Variants in KCTD10 observed in about 807,000 individuals in gnomAD.
The protein encoded by KCTD10 is BTB/POZ domain-containing adapter for CUL3-mediated RhoA degradation protein 3.
In KCTD10, 13 loss-of-function variants were observed where a neutral mutation model predicts 34.6. That is an observed-to-expected ratio of 0.38 (90% CI 0.24 to 0.60). KCTD10 has a LOEUF of 0.60. KCTD10 is among the 20% of genes least tolerant of loss of function. The pLI is 0.66. For synonymous variants in KCTD10, 156 were observed against 168.8 expected (o/e 0.92, Z 0.59); for missense variants, 256 against 420.3 (o/e 0.61, Z 3.42).
Position 109,456,160 on chromosome 12 carries a change from A to G in KCTD10, c.681T>C (p.Cys227=), listed in dbSNP as rs765345460. Reference sequence around the variant, plus strand: ...CAGTGGCATAGACGATGGAGGTACAACAGACTTCAGCAATCTTCCGGCCCT... The same window carrying G: ...CAGTGGCATAGACGATGGAGGTACAGCAGACTTCAGCAATCTTCCGGCCCT... ...YGQGRKIAEV[C]CTSIVYATEK... The change falls in exon 6 of 7, where the codon TGT becomes TGC. Residue 227 remains cysteine, a synonymous_variant. Coordinates refer to ENST00000228495, the MANE Select transcript of KCTD10 (RefSeq NM_031954.5). 96 of 1,614,076 alleles carry G rather than the reference A, an allele frequency of 5.9e-5. No individual in the cohort carries two copies. Among genetic ancestry groups the G allele is most frequent in the Non-Finnish European group, 8.1e-5 (95 of 1,180,052 alleles).
chr12:109,462,393 G>A (rs1272466443), intron 2 of KCTD10, among the ~76,000 whole-genome samples: 1 of 152,204 alleles, frequency 6.6e-6, no homozygotes, highest in Non-Finnish European at 1.5e-5. Context: ...CCCAAGTGGG[G>A]GGAAATGCAA....
At chr12:109,454,598 A>G (rs1409052505) in intron 6 of KCTD10, among the ~76,000 whole-genome samples, 2 of 152,000 alleles carry the variant, frequency 1.3e-5, no homozygotes, top group Non-Finnish European at 2.9e-5. Context: ...GTGTAGTAGC[A>G]TGCACCTGTG....
intron 5 of KCTD10, 94 bp downstream of exon 5, chr12:109,457,536 C>A (rs1592837261): frequency 9.6e-7 from 1 of 1,043,294 alleles, no homozygotes. Flanking sequence ...GAGGGGTCAT[C>A]CTCATCTGAA....
In KCTD10 at chr12:109,448,850, T is replaced by A. The variant is rs1872613110; in HGVS notation, c.*2745A>T. On this transcript the variant is annotated 3_prime_UTR_variant, in exon 7 of 7. Transcript: ENST00000228495. ...GGGCGGGCTGAGTGTTGTTCACACTTGGGTCCTGAATCGCTGTTGTAAGGT... is the reference window on the plus strand; with the variant it reads ...GGGCGGGCTGAGTGTTGTTCACACTAGGGTCCTGAATCGCTGTTGTAAGGT... The A allele has an allele frequency of 6.6e-6, 1 of 152,172 alleles. No homozygotes were observed. The highest frequency in any genetic ancestry group is 2.4e-5 in the African/African-American group (1 of 41,422). 9.4% of individuals were successfully genotyped at this position (152,172 alleles called of 1,614,324 possible).
chr12:109,465,932 G>T (rs1183439685), intron 2 of KCTD10, among the ~76,000 whole-genome samples: 1 of 152,152 alleles, frequency 6.6e-6, no homozygotes, highest in Non-Finnish European at 1.5e-5. Flanking sequence ...TACAATAGGG[G>T]GAAGTATTGT....
At chr12:109,456,343 C>T (rs1247208388) in intron 5 of KCTD10, 30 bp from the exon 6 acceptor site, 2 of 1,605,974 alleles carry the variant, frequency 1.2e-6, no homozygotes, top group Admixed American at 1.7e-5. Context: ...ACGGTGACCA[C>T]AAGCTGGTAA....
intron 1 of KCTD10, chr12:109,471,523 C>A: frequency 3.5e-6 from 2 of 578,876 alleles, no homozygotes; most frequent in Non-Finnish European, 4.4e-6. Context: ...TGCCCGATGC[C>A]AAACACAAAA....
Position 109,464,850 on chromosome 12 carries a change from T to G in KCTD10, c.218-4045A>C, listed in dbSNP as rs755004297. 1.1e-5 allele frequency: 5 copies of G among 455,690 alleles called. No individual in the cohort carries two copies. The Admixed American group carries it at 1.2e-4, about 11-fold the overall frequency. The allele number at this position is 455,690 out of a possible 1,614,324, so 28.2% of individuals were successfully genotyped here. A position where few individuals can be genotyped will look rare whatever the true frequency, so the allele number is the denominator to read the frequency against. On this transcript the variant is annotated intron_variant, in intron 2 of 6. Transcript: ENST00000228495. ...CAAAAATCCAGACTTCTGCAGGGAG[T>G]AGAAGTTGCCATAACCACTCCAGAA...
chr12:109,450,095 C>T lies in KCTD10; in HGVS notation c.*1500G>A, dbSNP rs1254430588. The T allele has an allele frequency of 2.5e-6, 1 of 396,044 alleles. No homozygotes were observed. The highest frequency in any genetic ancestry group is 4.4e-6 in the Non-Finnish European group (1 of 224,972). The allele number at this position is 396,044 out of a possible 1,614,324, so 24.5% of individuals were successfully genotyped here. A position where few individuals can be genotyped will look rare whatever the true frequency, so the allele number is the denominator to read the frequency against. Reference sequence around the variant, plus strand: ...TAAAAACCGTTTGAAAATATAAACTCGTTTTTGGAATACATGTGTCAAAGG... The same window carrying T: ...TAAAAACCGTTTGAAAATATAAACTTGTTTTTGGAATACATGTGTCAAAGG... On this transcript the variant is annotated 3_prime_UTR_variant, in exon 7 of 7. Coordinates refer to ENST00000228495, the MANE Select transcript of KCTD10 (RefSeq NM_031954.5).
intron 2 of KCTD10, among the ~76,000 whole-genome samples, chr12:109,468,268 C>T (rs1270205642): frequency 6.6e-6 from 1 of 152,186 alleles, no homozygotes; most frequent in Non-Finnish European, 1.5e-5. Flanking sequence ...AGAGGAATGT[C>T]CTCACCAGTG....
rs113579224 is a variant in KCTD10, at chr12:109,462,438, C to T, written c.218-1633G>A. On this transcript the variant is annotated intron_variant, in intron 2 of 6. Coordinates refer to ENST00000228495, the MANE Select transcript of KCTD10 (RefSeq NM_031954.5). ...ATAGCCCTGAGTCAACTCCTGGTTTCAGGGAAGAAAGAGGCCTTCCCAGGC... is the reference window on the plus strand; with the variant it reads ...ATAGCCCTGAGTCAACTCCTGGTTTTAGGGAAGAAAGAGGCCTTCCCAGGC... 9.1e-3 allele frequency among the ~76,000 whole-genome samples: 1,381 copies of T among 152,364 alleles called. 24 individuals carry two copies. The highest frequency in any genetic ancestry group is 0.031 in the African/African-American group (1,309 of 41,586).
Position 109,469,525 on chromosome 12 carries a change from G to A in KCTD10, c.207C>T (p.Thr69=), listed in dbSNP as rs376523703. The A allele has an allele frequency of 6.2e-6, 10 of 1,614,022 alleles. No individual in the cohort carries two copies. Among genetic ancestry groups the A allele is most frequent in the Middle Eastern group, 1.7e-4 (1 of 6,000 alleles). ...AMFSGRMEVL[T]DSEGWILIDR... ...GGTGGGTGAGCTTACCTTCACTGTC[G>A]GTGAGCACTTCCATGCGCCCGCTGA... Residue 69 remains threonine (T), a synonymous_variant, in exon 2 of 7, where the codon ACC becomes ACT. Transcript: ENST00000228495.
rs899163116 is a variant in KCTD10 at position 109,460,382 on chromosome 12, T to G, written c.387+254A>C. ...CACCGCGGGGTTCTCTGCTGAAGGG[T>G]TGAGATGTACACATGAGAAGATCCA... is the stretch of plus-strand genomic sequence containing the variant. On this transcript the variant is annotated intron_variant, in intron 3 of 6. Transcript: ENST00000228495. The surrounding 1 kb of genome is among the most constrained non-coding windows in gnomAD (Gnocchi z 4.5). The G allele has an allele frequency of 9.4e-5, 45 of 478,852 alleles. No homozygotes were observed. Among genetic ancestry groups the G allele is most frequent in the African/African-American group, 7.4e-4 (38 of 51,158 alleles). The allele number at this position is 478,852 out of a possible 1,614,324, so 29.7% of individuals were successfully genotyped here.
intron 1 of KCTD10, among the ~76,000 whole-genome samples, chr12:109,473,625 ATAG>A (rs1442008290): frequency 6.6e-6 from 1 of 152,110 alleles, no homozygotes; most frequent in African/African-American, 2.4e-5. Context: ...AGTCAACCTA[ATAG>A]TAGGCAAGGC....
At position 109,459,902 on chromosome 12, in the gene KCTD10, T is replaced by C. The variant is rs193138071; in HGVS notation, c.387+734A>G. Among the ~76,000 whole-genome samples the C allele has an allele frequency of 1.4e-4, 22 of 152,366 alleles. No homozygotes were observed. The East Asian group carries it at 4.0e-3, about 28-fold the overall frequency. On this transcript the variant is annotated intron_variant, in intron 3 of 6. Transcript: ENST00000228495. ...CAGCACTATTTGACTTCTTGAAGGA[T>C]GCATGTGCATCACTTTCAACAGTGT... is the stretch of plus-strand genomic sequence containing the variant.
At chr12:109,462,438 CA>C (rs1477220783) in intron 2 of KCTD10, among the ~76,000 whole-genome samples, 4 of 152,364 alleles carry the variant, frequency 2.6e-5, no homozygotes, top group African/African-American at 9.6e-5. Flanking sequence ...CTCCTGGTTT[CA>C]GGGAAGAAAG....
In KCTD10 at chr12:109,474,495, G is replaced by A. The variant is rs548103180; in HGVS notation, c.3+2765C>T. Among the ~76,000 whole-genome samples, 3 of 152,098 alleles carry A rather than the reference G, an allele frequency of 2.0e-5. No individual in the cohort carries two copies. The South Asian group carries it at 6.3e-4, about 32-fold the overall frequency. Reference sequence around the variant, plus strand: ...GGAGCTCAAAACTCCTGACACCTAGGTCCTACCATGAAAATTCTGATGTAA... The same window carrying A: ...GGAGCTCAAAACTCCTGACACCTAGATCCTACCATGAAAATTCTGATGTAA... On this transcript the variant is annotated intron_variant, in intron 1 of 6. Transcript: ENST00000228495.
At chr12:109,459,659 T>A (rs1873210879) in intron 3 of KCTD10, 1 of 152,140 alleles carries the variant, frequency 6.6e-6, no homozygotes, top group African/African-American at 2.4e-5. Context: ...CTAAGCTTGG[T>A]GGGGGTAGAG....
chr12:109,453,247 G>A (rs113277633), intron 6 of KCTD10, among the ~76,000 whole-genome samples: 205 of 152,194 alleles, frequency 1.3e-3, no homozygotes, highest in African/African-American at 4.7e-3. Context: ...AGAGATGAGT[G>A]TGTTGCTATG....
Sources: allele counts gnomAD v4.1 joint callset (sites outside exome capture counted in the v4.1 genomes callset), GRCh38; gene constraint gnomAD v4.1.1; non-coding constraint Gnocchi (gnomAD v3.1); transcripts MANE v1.5; gene names NCBI Gene and HGNC (gene_info 2026-07-23, HGNC 2026-07-21).